ACSF3: variants seen among roughly 807,000 people sequenced by gnomAD.
The protein encoded by ACSF3 is acyl-CoA synthetase family member 3, also known as malonate--CoA ligase ACSF3, mitochondrial.
ACSF3 carries 78 observed loss-of-function variants against 53.2 expected under a neutral mutation model. That is an observed-to-expected ratio of 1.47 (90% CI 1.22 to 1.77). The LOEUF (loss-of-function observed/expected upper bound fraction) is 1.77. ACSF3 is among the 40% of genes most tolerant of loss of function. ACSF3 has a pLI of 0.00. For synonymous variants in ACSF3, 414 were observed against 333.1 expected (o/e 1.24, Z -2.65); for missense variants, 937 against 771.1 (o/e 1.22, Z -2.55).
intron 2 of ACSF3, 40 bp from the exon 3 acceptor site, chr16:89,100,622 A>G (rs1975158375): frequency 2.6e-6 from 4 of 1,549,844 alleles, no homozygotes; most frequent in Admixed American, 1.9e-5. Flanking sequence ...TTTGGATGGG[A>G]CAGTTGGGCA....
At chr16:89,107,496 C>T (rs901340035) in intron 4 of ACSF3, among the ~76,000 whole-genome samples, 4 of 152,212 alleles carry the variant, frequency 2.6e-5, no homozygotes, top group African/African-American at 4.8e-5. Context: ...CTCAGTGTCA[C>T]GTTTGTGTTT....
rs181002134 is a variant in ACSF3 at position 89,103,133 on chromosome 16, G to A, written c.822+374G>A. ...CTCTCTCTCTTCAAAATACCTTCCG[G>A]TACTGTGCTCGTCTGTTGTGAGACT... On this transcript the variant is annotated intron_variant, in intron 4 of 10. Coordinates refer to ENST00000614302, the MANE Select transcript of ACSF3 (RefSeq NM_001243279.3). Among the ~76,000 whole-genome samples the A allele has an allele frequency of 1.9e-3, 296 of 152,306 alleles. 1 individual carries two copies. Among genetic ancestry groups the A allele is most frequent in the African/African-American group, 6.7e-3 (279 of 41,554 alleles).
At chr16:89,120,469 G>A (rs1435925206) in intron 6 of ACSF3, among the ~76,000 whole-genome samples, 2 of 152,248 alleles carry the variant, frequency 1.3e-5, no homozygotes, top group East Asian at 3.9e-4. Flanking sequence ...GCAGCTGTGA[G>A]GCTTTGGGAA....
At position 89,155,017 on chromosome 16, in the gene ACSF3, C is replaced by T. The variant is rs1210703277; in HGVS notation, c.*810C>T. 1 of 454,134 alleles carries T rather than the reference C, an allele frequency of 2.2e-6. No homozygotes were observed. Among genetic ancestry groups the T allele is most frequent in the South Asian group, 1.6e-5 (1 of 64,472 alleles). 28.1% of individuals were successfully genotyped at this position (454,134 alleles called of 1,614,324 possible). On this transcript the variant is annotated 3_prime_UTR_variant, in exon 11 of 11. Transcript: ENST00000614302. ...CATGGCCCCCATTTCATGTCTGTGG[C>T]TCACCAGCTTTTCCCCAGACCCAGC...
rs900502083 is a variant in ACSF3 at position 89,133,971 on chromosome 16, T to C, written c.1366+709T>C. ...GAGCCTGCCCTGAGCTGCTGCTGCC[T>C]GACCCCCCTCCTTTGTGAGAAGCTG... is the stretch of plus-strand genomic sequence containing the variant. On this transcript the variant is annotated intron_variant, in intron 8 of 10. Coordinates refer to ENST00000614302, the MANE Select transcript of ACSF3 (RefSeq NM_001243279.3). Among the ~76,000 whole-genome samples the C allele has an allele frequency of 1.2e-4, 18 of 152,224 alleles. 1 individual carries two copies. The highest frequency in any genetic ancestry group is 1.5e-5 in the Non-Finnish European group (1 of 68,030).
chr16:89,122,284 C>CCTGTGGCCCCCA (rs557581296), intron 7 of ACSF3: 76 of 297,806 alleles, frequency 2.6e-4, no homozygotes, highest in African/African-American at 1.5e-3. Context: ...GGCTGTTATC[C>CCTGTGGCCCCCA]CTGTGGCCCC....
At chr16:89,120,743 C>A in intron 6 of ACSF3, 58 bp from the exon 7 acceptor site, 1 of 1,531,390 alleles carries the variant, frequency 6.5e-7, no homozygotes, top group Non-Finnish European at 9.0e-7. Context: ...GTGTGTGCTT[C>A]TCTCCTCCAG....
rs368696141 is a variant in ACSF3, at chr16:89,101,208, C to A, written c.527C>A (p.Thr176Asn). 45 of 1,606,450 alleles carry A rather than the reference C, an allele frequency of 2.8e-5. No homozygotes were observed. In the African/African-American group the frequency reaches 3.5e-4, roughly 12 times the overall value. The change falls in exon 3 of 11, where the codon ACT (threonine) becomes AAT (asparagine). Residue 176 changes from threonine (T) to asparagine (N), a missense_variant. Physicochemically the swap from Thr to Asn is moderately conservative, Grantham distance 65. Transcript: ENST00000614302. Reference sequence around the variant, plus strand: ...CTGCCGCTCACACCAGCCATCTACACTGGAGCAGTAGAGGAACCGGCAGAG... The same window carrying A: ...CTGCCGCTCACACCAGCCATCTACAATGGAGCAGTAGAGGAACCGGCAGAG... ...PLLPLTPAIYTGAVEEPAEVP... is the reference protein window; with the variant it reads ...PLLPLTPAIYNGAVEEPAEVP...
intron 1 of ACSF3, among the ~76,000 whole-genome samples, chr16:89,097,738 C>T (rs1381084636): frequency 5.3e-5 from 8 of 150,100 alleles, no homozygotes; most frequent in Admixed American, 2.0e-4. Context: ...GGTGTGTGGG[C>T]GGACCAGCCA....
intron 1 of ACSF3, among the ~76,000 whole-genome samples, chr16:89,096,003 G>T (rs920725490): frequency 6.6e-6 from 1 of 152,196 alleles, no homozygotes; most frequent in Non-Finnish European, 1.5e-5. Flanking sequence ...AGAAGCCCCA[G>T]TGCCTTAGTG....
intron 8 of ACSF3, among the ~76,000 whole-genome samples, 188 bp downstream of exon 8, chr16:89,133,450 G>A (rs754167325): frequency 6.6e-5 from 10 of 152,222 alleles, no homozygotes; most frequent in Non-Finnish European, 1.5e-4. Flanking sequence ...CTCCCCACCG[G>A]CTTCTAGAGT....
rs189821127 is a variant in ACSF3 at position 89,101,009 on chromosome 16, G to A, written c.328G>A (p.Val110Met). 35 of 1,613,632 alleles carry A rather than the reference G, an allele frequency of 2.2e-5. No individual in the cohort carries two copies. Among genetic ancestry groups the A allele is most frequent in the East Asian group, 4.5e-5 (2 of 44,878 alleles). ...ATGCGCTAACGATGCCTCCTACGTCGTGGCCCAGTGGGCGTCATGGATGAG... is the reference window on the plus strand; with the variant it reads ...ATGCGCTAACGATGCCTCCTACGTCATGGCCCAGTGGGCGTCATGGATGAG... ...FLCANDASYV[V>M]AQWASWMSGG... is the part of the protein sequence containing the mutation. Residue 110 changes from valine to methionine, a missense_variant, in exon 3 of 11, where the codon GTG (valine) becomes ATG (methionine). By Grantham distance (21) the Val-to-Met change is conservative. Coordinates refer to ENST00000614302, the MANE Select transcript of ACSF3 (RefSeq NM_001243279.3).
chr16:89,146,729 C>A (rs879527583), intron 10 of ACSF3, among the ~76,000 whole-genome samples: 5 of 152,140 alleles, frequency 3.3e-5, no homozygotes, highest in Non-Finnish European at 5.9e-5. Context: ...TTTTGTTTTG[C>A]CTTTACCTTA....
At chr16:89,100,394 A>G (rs578052210) in intron 2 of ACSF3, among the ~76,000 whole-genome samples, 19 of 152,354 alleles carry the variant, frequency 1.2e-4, no homozygotes, top group Non-Finnish European at 1.8e-4. Flanking sequence ...GGTTTTACCT[A>G]GTTTATTTCA....
At chr16:89,104,576 G>A (rs573730358) in intron 4 of ACSF3, among the ~76,000 whole-genome samples, 2 of 152,284 alleles carry the variant, frequency 1.3e-5, no homozygotes, top group South Asian at 2.1e-4. Flanking sequence ...GCCAGGAAGG[G>A]GTCCCTGCAA....
chr16:89,155,609 C>G lies in ACSF3; in HGVS notation c.*1402C>G, dbSNP rs1474746605. On this transcript the variant is annotated 3_prime_UTR_variant, in exon 11 of 11. Coordinates refer to ENST00000614302, the MANE Select transcript of ACSF3 (RefSeq NM_001243279.3). ...CCCGGGAACAGTCAGAGGAAGGGGT[C>G]CCGCCCTCCCGCCAGAGGCCTGGAC... The G allele has an allele frequency of 2.2e-6, 1 of 454,002 alleles. No homozygotes were observed. The highest frequency in any genetic ancestry group is 2.3e-5 in the Admixed American group (1 of 42,580). The allele number at this position is 454,002 out of a possible 1,614,324, so 28.1% of individuals were successfully genotyped here.
At chr16:89,101,449 A>G (rs1022022760) in intron 3 of ACSF3, 102 bp downstream of exon 3, 104 of 1,538,520 alleles carry the variant, frequency 6.8e-5, no homozygotes, top group Non-Finnish European at 8.9e-5. Context: ...CTGTGGAGTC[A>G]TTCACAGTTG....
chr16:89,129,309 T>TC (rs1908808751), intron 7 of ACSF3, among the ~76,000 whole-genome samples: 1 of 152,250 alleles, frequency 6.6e-6, no homozygotes, highest in South Asian at 2.1e-4. Context: ...ATTTTGAAAG[T>TC]CTGTTGTTTG....
intron 1 of ACSF3, among the ~76,000 whole-genome samples, chr16:89,097,909 C>G (rs1033336910): frequency 6.6e-6 from 1 of 152,158 alleles, no homozygotes; most frequent in East Asian, 1.9e-4. Flanking sequence ...CAGGGCCCTG[C>G]GTGGCTCGTT....
Sources: gnomAD v4.1 joint callset for allele counts (sites outside exome capture counted in the v4.1 genomes callset) on GRCh38, gnomAD v4.1.1 for gene constraint, MANE v1.5 for transcripts, NCBI Gene and HGNC (gene_info 2026-07-23, HGNC 2026-07-21) for gene names.